FSHR: variants seen among roughly 807,000 people sequenced by gnomAD.
FSHR encodes the protein follicle stimulating hormone receptor, also known as follicle-stimulating hormone receptor.
In FSHR, 46 loss-of-function variants were observed where a neutral mutation model predicts 52.1. The ratio of observed to expected loss-of-function variants is 0.88; its 90% CI spans 0.70 to 1.13. The LOEUF is 1.13. Among genes scored for constraint, FSHR ranks in the 50% most tolerant of loss-of-function variants. FSHR has a pLI of 0.00. For missense variants in FSHR, 964 were observed against 834.6 expected (o/e 1.16, Z -1.91); for synonymous variants, 399 against 309.6 (o/e 1.29, Z -3.03).
At chr2:49,045,031 C>G (rs1668605099) in intron 2 of FSHR, among the ~76,000 whole-genome samples, 1 of 152,196 alleles carries the variant, frequency 6.6e-6, no homozygotes, top group Admixed American at 6.5e-5. Flanking sequence ...GTACTAAAAA[C>G]TGAGGACCAT....
intron 1 of FSHR, among the ~76,000 whole-genome samples, chr2:49,071,685 TAGTTCTGC>T (rs1253484081): frequency 1.4e-5 from 2 of 140,288 alleles, no homozygotes; most frequent in Admixed American, 1.6e-4. Flanking sequence ...ATTTCACTCA[TAGTTCTGC>T]AGGCTGTACA....
At chr2:49,069,603 A>G (rs1321612504) in intron 1 of FSHR, among the ~76,000 whole-genome samples, 1 of 152,148 alleles carries the variant, frequency 6.6e-6, no homozygotes, top group Non-Finnish European at 1.5e-5. Context: ...TTGTATACCA[A>G]ATGCCTAGAA....
At chr2:49,136,397 C>T (rs1196187677) in intron 1 of FSHR, among the ~76,000 whole-genome samples, 2 of 151,946 alleles carry the variant, frequency 1.3e-5, no homozygotes, top group Non-Finnish European at 2.9e-5. Flanking sequence ...AAAGAAAATG[C>T]CAGACCCAGA....
chr2:49,029,378 A>G (rs1668023193), intron 2 of FSHR, among the ~76,000 whole-genome samples: 1 of 152,226 alleles, frequency 6.6e-6, no homozygotes, highest in Non-Finnish European at 1.5e-5. Context: ...AATGGGGGCT[A>G]CTAAATCCAT....
At chr2:49,092,876 G>T (rs546334853) in intron 1 of FSHR, among the ~76,000 whole-genome samples, 5 of 152,104 alleles carry the variant, frequency 3.3e-5, no homozygotes, top group Non-Finnish European at 7.3e-5. Context: ...ATGTTGGGCA[G>T]GCTGGTCTCG....
At position 49,000,973 on chromosome 2, in the gene FSHR, C is replaced by T. The variant is rs537330276; in HGVS notation, c.375-10336G>A. On this transcript the variant is annotated intron_variant, in intron 4 of 9. Coordinates refer to ENST00000406846, the MANE Select transcript of FSHR (RefSeq NM_000145.4). ...AAAAAAGACTTGAAAATAAACTAGC[C>T]TTATTATTTGTGTAGCACATACCTG... Among the ~76,000 whole-genome samples, 31 of 152,176 alleles carry T rather than the reference C, an allele frequency of 2.0e-4. No individual in the cohort carries two copies. The East Asian group carries it at 5.4e-3, about 27-fold the overall frequency.
chr2:49,014,832 G>A (rs985382471), intron 4 of FSHR: 2 of 451,172 alleles, frequency 4.4e-6, no homozygotes, highest in African/African-American at 4.1e-5. Context: ...GTTTATGAAT[G>A]AAAGTGTCTC....
intron 1 of FSHR, among the ~76,000 whole-genome samples, chr2:49,069,702 T>C (rs1205770074): frequency 2.0e-5 from 3 of 152,076 alleles, no homozygotes; most frequent in Non-Finnish European, 4.4e-5. Context: ...AGGTTTGAGG[T>C]TGAAGTTACA....
intron 1 of FSHR, among the ~76,000 whole-genome samples, chr2:49,149,462 T>A (rs988261099): frequency 2.0e-5 from 3 of 152,038 alleles, no homozygotes; most frequent in Admixed American, 2.0e-4. Flanking sequence ...TTAGAAGGAA[T>A]TTATCCTGAT....
At chr2:49,003,446 G>A (rs1666975500) in intron 4 of FSHR, among the ~76,000 whole-genome samples, 1 of 152,134 alleles carries the variant, frequency 6.6e-6, no homozygotes, top group Non-Finnish European at 1.5e-5. Context: ...TGAGTCCCTG[G>A]ATGCATTCCT....
chr2:49,099,551 C>A (rs1000013074), intron 1 of FSHR, among the ~76,000 whole-genome samples: 3 of 152,014 alleles, frequency 2.0e-5, no homozygotes, highest in African/African-American at 2.4e-5. Flanking sequence ...AGGGTGTTTG[C>A]AAATATTATA....
chr2:49,109,915 A>G (rs879348820), intron 1 of FSHR, among the ~76,000 whole-genome samples: 3 of 152,150 alleles, frequency 2.0e-5, no homozygotes, highest in Non-Finnish European at 4.4e-5. Flanking sequence ...GGGACTAGAG[A>G]TAAAGAGTAA....
At chr2:48,982,675 C>T (rs1016573923) in intron 8 of FSHR, among the ~76,000 whole-genome samples, 3 of 152,178 alleles carry the variant, frequency 2.0e-5, no homozygotes, top group Non-Finnish European at 2.9e-5. Flanking sequence ...CTTCTGAGAA[C>T]GCCATCTGAC....
intron 4 of FSHR, among the ~76,000 whole-genome samples, chr2:48,996,573 C>CAT (rs746421778): frequency 6.6e-6 from 1 of 152,048 alleles, no homozygotes; most frequent in South Asian, 2.1e-4. Flanking sequence ...TTATCTTACA[C>CAT]ATATATTTTT....
intron 1 of FSHR, among the ~76,000 whole-genome samples, chr2:49,124,086 C>T (rs946316912): frequency 6.6e-6 from 1 of 151,686 alleles, no homozygotes; most frequent in Non-Finnish European, 1.5e-5. Flanking sequence ...CTGCACCTCC[C>T]GGGTTTAGGC....
At chr2:49,071,439 A>G (rs1669724426) in intron 1 of FSHR, among the ~76,000 whole-genome samples, 1 of 152,190 alleles carries the variant, frequency 6.6e-6, no homozygotes, top group African/African-American at 2.4e-5. Flanking sequence ...AAATCATTCA[A>G]ATGTGAGGAT....
chr2:49,068,521 T>C (rs373925243), intron 1 of FSHR, among the ~76,000 whole-genome samples: 4 of 152,010 alleles, frequency 2.6e-5, no homozygotes, highest in African/African-American at 9.7e-5. Flanking sequence ...ACAAAAAATT[T>C]ACCCAGGGTC....
At chr2:49,153,692 T>A (rs992311131) in intron 1 of FSHR, among the ~76,000 whole-genome samples, 1 of 152,174 alleles carries the variant, frequency 6.6e-6, no homozygotes, top group African/African-American at 2.4e-5. Flanking sequence ...TTATCCTGTA[T>A]TTCTCCCTCT....
chr2:49,008,116 C>T (rs1667133254), intron 4 of FSHR, among the ~76,000 whole-genome samples: 1 of 148,016 alleles, frequency 6.8e-6, no homozygotes, highest in Admixed American at 6.8e-5. Flanking sequence ...CATGCTGGTG[C>T]ACTGCACCCA....
Sources: gnomAD v4.1 joint callset for allele counts (sites outside exome capture counted in the v4.1 genomes callset) on GRCh38, gnomAD v4.1.1 for gene constraint, MANE v1.5 for transcripts, NCBI Gene and HGNC (gene_info 2026-07-23, HGNC 2026-07-21) for gene names.